The following PTPRM variants were observed in gnomAD, a reference collection of about 807,000 sequenced individuals.
PTPRM encodes receptor-type tyrosine-protein phosphatase mu.
In PTPRM, 47 loss-of-function variants were observed where a neutral mutation model predicts 186.7. The ratio of observed to expected loss-of-function variants is 0.25; its 90% CI spans 0.20 to 0.32. The LOEUF (loss-of-function observed/expected upper bound fraction) is 0.32. Among genes scored for constraint, PTPRM ranks in the 10% least tolerant of loss-of-function variants. PTPRM has a pLI of 1.00. For synonymous variants in PTPRM, 668 were observed against 674.9 expected (o/e 0.99, Z 0.16); for missense variants, 1,494 against 1,865.0 (o/e 0.80, Z 3.66).
intron 23 of PTPRM, among the ~76,000 whole-genome samples, chr18:8,358,418 A>G (rs1598425843): frequency 1.3e-5 from 2 of 152,204 alleles, no homozygotes; most frequent in Admixed American, 1.3e-4. Flanking sequence ...AGTTGTCACC[A>G]TGAATGAATG....
intron 7 of PTPRM, among the ~76,000 whole-genome samples, chr18:8,048,637 C>A (rs531120419): frequency 6.6e-6 from 1 of 151,664 alleles, no homozygotes; most frequent in African/African-American, 2.4e-5. Flanking sequence ...TACAGTATAG[C>A]CATCAATCTA....
Position 8,332,465 on chromosome 18 carries a change from G to T in PTPRM, c.2957-10958G>T, listed in dbSNP as rs138500575. ...ACAAACATTCCATGAAACTAAGTATGTAGAGAAAGCCACAAATAGTCACAT... is the reference window on the plus strand; with the variant it reads ...ACAAACATTCCATGAAACTAAGTATTTAGAGAAAGCCACAAATAGTCACAT... On this transcript the variant is annotated intron_variant, in intron 22 of 32. Transcript: ENST00000580170. Among the ~76,000 whole-genome samples, 1,301 of 152,298 alleles carry T rather than the reference G, an allele frequency of 8.5e-3. 5 individuals carry two copies. The highest frequency in any genetic ancestry group is 0.014 in the African/African-American group (589 of 41,562).
At chr18:7,701,868 A>AC (rs2039974575) in intron 1 of PTPRM, among the ~76,000 whole-genome samples, 1 of 151,914 alleles carries the variant, frequency 6.6e-6, no homozygotes, top group Non-Finnish European at 1.5e-5. Context: ...CAACCCCCTG[A>AC]CAGGCCCTGG....
At chr18:8,116,136 A>G (rs927738269) in intron 13 of PTPRM, among the ~76,000 whole-genome samples, 1 of 152,212 alleles carries the variant, frequency 6.6e-6, no homozygotes, top group African/African-American at 2.4e-5. Flanking sequence ...AGGACGATGA[A>G]GCCCTTGAAC....
chr18:8,370,959 A>G lies in PTPRM; in HGVS notation c.3124A>G (p.Thr1042Ala). Reference sequence around the variant, plus strand: ...AGACATTAAAGTTACCCTAATAGAAACAGAACTACTGGCAGAATATGTGAT... The same window carrying G: ...AGACATTAAAGTTACCCTAATAGAAGCAGAACTACTGGCAGAATATGTGAT... ...YKDIKVTLIE[T>A]ELLAEYVIRT... The change falls in exon 24 of 33, where the codon ACA (threonine) becomes GCA (alanine). Residue 1042 changes from threonine to alanine, a missense_variant. Coordinates refer to ENST00000580170, the MANE Select transcript of PTPRM (RefSeq NM_001105244.2). The G allele has an allele frequency of 6.2e-7, 1 of 1,607,392 alleles. No individual in the cohort carries two copies. Among genetic ancestry groups the G allele is most frequent in the Non-Finnish European group, 8.5e-7 (1 of 1,174,656 alleles).
intron 7 of PTPRM, among the ~76,000 whole-genome samples, chr18:8,011,222 T>C (rs2084507250): frequency 1.3e-5 from 2 of 152,152 alleles, no homozygotes; most frequent in Non-Finnish European, 1.5e-5. Flanking sequence ...AGATAAGGTA[T>C]ACTCAGGTTA....
At chr18:7,864,190 C>CAA (rs2047547024) in intron 2 of PTPRM, among the ~76,000 whole-genome samples, 1 of 152,184 alleles carries the variant, frequency 6.6e-6, no homozygotes, top group Non-Finnish European at 1.5e-5. Context: ...CGCAGAAGCT[C>CAA]TTTAGTTTAA....
chr18:8,245,864 C>G (rs998309502), intron 15 of PTPRM, among the ~76,000 whole-genome samples: 82 of 152,322 alleles, frequency 5.4e-4, no homozygotes, highest in African/African-American at 1.9e-3. Context: ...ATATTCACTT[C>G]TGGACAGGAA....
At chr18:8,307,336 G>A (rs1887630208) in intron 20 of PTPRM, among the ~76,000 whole-genome samples, 1 of 152,206 alleles carries the variant, frequency 6.6e-6, no homozygotes, top group South Asian at 2.1e-4. Flanking sequence ...CAGAACACAT[G>A]TCCCGCGTTC....
At chr18:7,593,146 TCTTA>T (rs2037169497) in intron 1 of PTPRM, among the ~76,000 whole-genome samples, 1 of 152,230 alleles carries the variant, frequency 6.6e-6, no homozygotes, top group Non-Finnish European at 1.5e-5. Flanking sequence ...GTGGAGCATC[TCTTA>T]CTTTGCTTTT....
At position 7,688,882 on chromosome 18, in the gene PTPRM, GTGGCT is replaced by G. The variant is rs552467587; in HGVS notation, c.74-85265_74-85261del. The stretch of plus-strand genomic sequence containing the variant: ...GGAGACAGTGCTCCTGGTGGCTTGG[GTGGCT>G]TCTTGCCTCTCTAGTGCTGGAAGAA... On this transcript the variant is annotated intron_variant, in intron 1 of 32. Coordinates refer to ENST00000580170, the MANE Select transcript of PTPRM (RefSeq NM_001105244.2). Among the ~76,000 whole-genome samples, 1,120 of 152,320 alleles carry G rather than the reference GTGGCT, an allele frequency of 7.4e-3. 1 individual carries two copies. The highest frequency in any genetic ancestry group is 0.037 in the Middle Eastern group (11 of 294).
At chr18:8,126,345 ATC>A (rs1284570482) in intron 13 of PTPRM, among the ~76,000 whole-genome samples, 2 of 151,876 alleles carry the variant, frequency 1.3e-5, no homozygotes, top group South Asian at 2.1e-4. Context: ...ATTACAAAAT[ATC>A]TCTTTTTAAT....
intron 14 of PTPRM, among the ~76,000 whole-genome samples, chr18:8,147,619 G>A (rs559375532): frequency 5.3e-5 from 8 of 152,144 alleles, no homozygotes; most frequent in African/African-American, 1.7e-4. Context: ...CTCTCTTCCT[G>A]TTTGAATACC....
intron 13 of PTPRM, among the ~76,000 whole-genome samples, chr18:8,137,965 G>T (rs1336759067): frequency 6.6e-6 from 1 of 152,104 alleles, no homozygotes; most frequent in Non-Finnish European, 1.5e-5. Context: ...TAATTCCCCT[G>T]CAGAGCCTTG....
At chr18:7,845,385 C>T (rs552913427) in intron 2 of PTPRM, among the ~76,000 whole-genome samples, 8 of 152,058 alleles carry the variant, frequency 5.3e-5, no homozygotes, top group African/African-American at 1.2e-4. Flanking sequence ...TCAACTTATG[C>T]TTTATATAAG....
In PTPRM at chr18:8,054,178, C is replaced by G. The variant is rs912542172; in HGVS notation, c.1133-15508C>G. Reference sequence around the variant, plus strand: ...ACAGCTTAGATTTATTTTTTGTAAACAGATTATGGCACGATGTTGATTTTA... The same window carrying G: ...ACAGCTTAGATTTATTTTTTGTAAAGAGATTATGGCACGATGTTGATTTTA... On this transcript the variant is annotated intron_variant, in intron 7 of 32. Coordinates refer to ENST00000580170, the MANE Select transcript of PTPRM (RefSeq NM_001105244.2). 2.6e-5 allele frequency among the ~76,000 whole-genome samples: 4 copies of G among 151,286 alleles called. No homozygotes were observed. The East Asian group carries it at 7.8e-4, about 29-fold the overall frequency.
chr18:7,951,119 C>T (rs1320198644), intron 6 of PTPRM, among the ~76,000 whole-genome samples: 1 of 152,210 alleles, frequency 6.6e-6, no homozygotes, highest in African/African-American at 2.4e-5. Flanking sequence ...AGACTTGAAC[C>T]AGCCTAATAT....
intron 5 of PTPRM, among the ~76,000 whole-genome samples, chr18:7,932,810 A>T (rs35308699): frequency 0.14 from 21,833 of 152,146 alleles, 1,826 homozygotes; most frequent in Non-Finnish European, 0.19. Context: ...CATAATATGC[A>T]TTAGTTTATA....
At chr18:8,348,202 G>A (rs1440483466) in intron 23 of PTPRM, among the ~76,000 whole-genome samples, 3 of 152,260 alleles carry the variant, frequency 2.0e-5, no homozygotes, top group African/African-American at 4.8e-5. Context: ...AGGCGGATGC[G>A]TGTTTGTTTA....
Sources: gnomAD v4.1 joint callset for allele counts (sites outside exome capture counted in the v4.1 genomes callset) on GRCh38, gnomAD v4.1.1 for gene constraint, MANE v1.5 for transcripts, NCBI Gene and HGNC (gene_info 2026-07-23, HGNC 2026-07-21) for gene names.